SLC49A4: variants seen among roughly 807,000 people sequenced by gnomAD.
SLC49A4 encodes the protein disrupted in renal cancer protein 2.
Under a neutral mutation model 50.6 loss-of-function variants are expected in SLC49A4, and 36 were observed. The observed-to-expected ratio is 0.71, with a 90% CI of 0.55 to 0.94. The LOEUF (loss-of-function observed/expected upper bound fraction) is 0.94. Among genes scored for constraint, SLC49A4 ranks in the 40% least tolerant of loss-of-function variants. The pLI is 0.00. For synonymous variants in SLC49A4, 248 were observed against 241.2 expected (o/e 1.03, Z -0.26); for missense variants, 503 against 605.7 (o/e 0.83, Z 1.78).
At chr3:122,795,971 T>C (rs1361004935) in intron 1 of SLC49A4, among the ~76,000 whole-genome samples, 1 of 152,182 alleles carries the variant, frequency 6.6e-6, no homozygotes, top group Non-Finnish European at 1.5e-5. Context: ...TGAGTTCGTT[T>C]TGTGTAATAG....
chr3:122,800,623 A>T (rs1249913054), intron 1 of SLC49A4, among the ~76,000 whole-genome samples: 1 of 152,222 alleles, frequency 6.6e-6, no homozygotes, highest in East Asian at 1.9e-4. Flanking sequence ...TGCTGTAGCC[A>T]TGTAGGCAAG....
intron 5 of SLC49A4, among the ~76,000 whole-genome samples, chr3:122,847,387 G>A (rs1272173): frequency 1.5e-5 from 2 of 137,546 alleles, no homozygotes; most frequent in Non-Finnish European, 3.1e-5. Flanking sequence ...TCGCTCTGTC[G>A]CCCAGGCTGG....
Position 122,797,042 on chromosome 3 carries a change from G to T in SLC49A4, c.343+1507G>T, listed in dbSNP as rs528704657. ...AGAATAGAATAGCAGGGTGATGTTAGTAGTTATACTTCCTTCTCTCCTCCT... is the reference window on the plus strand; with the variant it reads ...AGAATAGAATAGCAGGGTGATGTTATTAGTTATACTTCCTTCTCTCCTCCT... On this transcript the variant is annotated intron_variant, in intron 1 of 8. Transcript: ENST00000261038. 1.1e-4 allele frequency among the ~76,000 whole-genome samples: 17 copies of T among 152,306 alleles called. No homozygotes were observed. The South Asian group carries it at 3.3e-3, about 30-fold the overall frequency.
rs527898219 is a variant in SLC49A4, at chr3:122,801,659, C to T, written c.344-5198C>T. On this transcript the variant is annotated intron_variant, in intron 1 of 8. Coordinates refer to ENST00000261038, the MANE Select transcript of SLC49A4 (RefSeq NM_032839.3). ...TGGTAAAGATAAGGTCAGAGTATAA[C>T]CAAAAGCATGGATGGCAGAGGTAGG... Among the ~76,000 whole-genome samples the T allele has an allele frequency of 1.8e-4, 28 of 152,192 alleles. 1 individual carries two copies. In the South Asian group the frequency reaches 5.8e-3, roughly 32 times the overall value.
chr3:122,857,398 C>T lies in SLC49A4; in HGVS notation c.1010+1024C>T, dbSNP rs951427121. Among the ~76,000 whole-genome samples the T allele has an allele frequency of 2.7e-5, 4 of 150,800 alleles. 1 individual carries two copies. The South Asian group carries it at 8.5e-4, about 32-fold the overall frequency. ...GATAATATTCATTCACTTCCCAAAT[C>T]ATTTTACTCTGCTCAAAAACAAAAT... On this transcript the variant is annotated intron_variant, in intron 6 of 8. Transcript: ENST00000261038.
At chr3:122,808,354 G>A (rs918702682) in intron 2 of SLC49A4, among the ~76,000 whole-genome samples, 1 of 152,288 alleles carries the variant, frequency 6.6e-6, no homozygotes, top group East Asian at 1.9e-4. Flanking sequence ...AAAAGGCGAG[G>A]AAAGGATGGT....
At chr3:122,844,797 A>AC (rs1423323332) in intron 4 of SLC49A4, among the ~76,000 whole-genome samples, 2 of 151,828 alleles carry the variant, frequency 1.3e-5, no homozygotes, top group Non-Finnish European at 2.9e-5. Flanking sequence ...AAAAAAAAAA[A>AC]TTTCAAGAAG....
chr3:122,804,019 A>G (rs1560192298), intron 1 of SLC49A4, among the ~76,000 whole-genome samples: 1 of 152,202 alleles, frequency 6.6e-6, no homozygotes, highest in African/African-American at 2.4e-5. Flanking sequence ...CAGTTCCTAC[A>G]TTGCTATAAA....
rs527597734 is a variant in SLC49A4, at chr3:122,820,752, C to G, written c.438-6048C>G. ...AATCGAGGGCAGTGGGACTCTGCAG[C>G]GCACCTGGGGCTGAGCCTGGCTGGG... is the stretch of plus-strand genomic sequence containing the variant. On this transcript the variant is annotated intron_variant, in intron 2 of 8. Coordinates refer to ENST00000261038, the MANE Select transcript of SLC49A4 (RefSeq NM_032839.3). Among the ~76,000 whole-genome samples the G allele has an allele frequency of 2.6e-5, 4 of 152,358 alleles. No individual in the cohort carries two copies. The East Asian group carries it at 5.8e-4, about 22-fold the overall frequency.
chr3:122,832,826 A>C (rs1337242205), intron 3 of SLC49A4, among the ~76,000 whole-genome samples: 2 of 152,142 alleles, frequency 1.3e-5, no homozygotes, highest in Non-Finnish European at 2.9e-5. Context: ...TTATATATTC[A>C]ATTTTGTTTT....
chr3:122,831,922 T>G (rs932329073), intron 3 of SLC49A4, among the ~76,000 whole-genome samples: 1 of 151,878 alleles, frequency 6.6e-6, no homozygotes, highest in African/African-American at 2.4e-5. Flanking sequence ...CATTAACTTC[T>G]TGTTGCTCCT....
In SLC49A4 at chr3:122,880,171, T is replaced by TCA. The variant is rs1937318517; in HGVS notation, c.*796_*797dup. 6.6e-6 allele frequency: 1 copy of TCA among 152,232 alleles called. No homozygotes were observed. The allele number at this position is 152,232 out of a possible 1,614,324, so 9.4% of individuals were successfully genotyped here. ...ACTTTGTTACAAGTGAAATGACAAG[T>TCA]CACATGGACATACTGTGTCTTCTGC... is the stretch of plus-strand genomic sequence containing the variant. On this transcript the variant is annotated 3_prime_UTR_variant, in exon 9 of 9. Coordinates refer to ENST00000261038, the MANE Select transcript of SLC49A4 (RefSeq NM_032839.3).
chr3:122,821,388 G>GGA (rs1936450294), intron 2 of SLC49A4, among the ~76,000 whole-genome samples: 1 of 152,156 alleles, frequency 6.6e-6, no homozygotes, highest in African/African-American at 2.4e-5. Flanking sequence ...GGAAGAAAAG[G>GGA]GAGTTGGGGG....
intron 7 of SLC49A4, among the ~76,000 whole-genome samples, chr3:122,863,529 G>A (rs959060057): frequency 6.6e-6 from 1 of 152,172 alleles, no homozygotes; most frequent in African/African-American, 2.4e-5. Context: ...ATATGTCACA[G>A]ATACCCTTAC....
At chr3:122,831,038 A>T (rs1319533021) in intron 3 of SLC49A4, among the ~76,000 whole-genome samples, 1 of 152,154 alleles carries the variant, frequency 6.6e-6, no homozygotes, top group Non-Finnish European at 1.5e-5. Context: ...CAGTGTCATT[A>T]GTCATTAGGG....
chr3:122,831,353 G>A (rs932990506), intron 3 of SLC49A4, among the ~76,000 whole-genome samples: 3 of 151,964 alleles, frequency 2.0e-5, no homozygotes, highest in African/African-American at 7.2e-5. Flanking sequence ...GCGAAAAAGT[G>A]GAAACAACCC....
At chr3:122,877,206 G>C (rs922994411) in intron 8 of SLC49A4, among the ~76,000 whole-genome samples, 6 of 152,094 alleles carry the variant, frequency 3.9e-5, no homozygotes, top group African/African-American at 1.4e-4. Flanking sequence ...CTAAACAGTG[G>C]TTTATGTGAA....
intron 5 of SLC49A4, among the ~76,000 whole-genome samples, chr3:122,848,119 A>G (rs991019545): frequency 6.6e-6 from 1 of 152,296 alleles, no homozygotes; most frequent in East Asian, 1.9e-4. Flanking sequence ...GCTGTTCTGG[A>G]GCTCTGTTCT....
intron 7 of SLC49A4, among the ~76,000 whole-genome samples, chr3:122,865,061 C>G (rs905151928): frequency 6.6e-6 from 1 of 152,074 alleles, no homozygotes; most frequent in African/African-American, 2.4e-5. Flanking sequence ...GAGAGTAATC[C>G]TCTTACTATA....
Sources: gnomAD v4.1 joint callset for allele counts (sites outside exome capture counted in the v4.1 genomes callset) on GRCh38, gnomAD v4.1.1 for gene constraint, MANE v1.5 for transcripts, NCBI Gene and HGNC (gene_info 2026-07-23, HGNC 2026-07-21) for gene names.